The following TMEM53 variants were observed in gnomAD, a reference collection of about 807,000 sequenced individuals.
The protein encoded by TMEM53 is transmembrane protein 53.
Under a neutral mutation model 21.4 loss-of-function variants are expected in TMEM53, and 14 were observed. The ratio of observed to expected loss-of-function variants is 0.65; its 90% confidence interval spans 0.43 to 1.02. The LOEUF (loss-of-function observed/expected upper bound fraction) is 1.02. Among genes scored for constraint, TMEM53 ranks in the 50% least tolerant of loss-of-function variants. The pLI, the probability that TMEM53 is intolerant of heterozygous loss-of-function variation, is 0.00. For missense variants in TMEM53, 323 were observed against 383.6 expected, an observed-to-expected ratio of 0.84 and a Z score of 1.32; for synonymous variants, 148 against 157.4, an observed-to-expected ratio of 0.94 and a Z score of 0.45.
At chr1:44,656,684 G>A (rs1329857947) in intron 2 of TMEM53, among the ~76,000 whole-genome samples, 1 of 151,876 alleles carries the variant, frequency 6.6e-6, no homozygotes, top group East Asian at 1.9e-4. Context: ...CTGTTCTATA[G>A]CCTGGACGAC....
rs116364606 is a variant in TMEM53, at chr1:44,654,400, G to A, written c.*159C>T. The stretch of plus-strand genomic sequence containing the variant: ...GTAAGCAGACCACCAGCAGACAGAG[G>A]CCCCCAGGAGACAGGCCCATAGGAA... On this transcript the variant is annotated 3_prime_UTR_variant, in exon 3 of 3. Transcript: ENST00000372237. The surrounding 1 kb of genome is among the most constrained non-coding windows in gnomAD (Gnocchi z 7.0). 19,563 of 795,464 alleles carry A rather than the reference G, an allele frequency of 0.025. 359 individuals carry two copies. The highest frequency in any genetic ancestry group is 0.028 in the Non-Finnish European group (14,084 of 503,776). The allele number at this position is 795,464 out of a possible 1,614,324, so 49.3% of individuals were successfully genotyped here.
chr1:44,669,252 T>C (rs967921042), intron 1 of TMEM53, among the ~76,000 whole-genome samples: 6 of 152,254 alleles, frequency 3.9e-5, no homozygotes, highest in Admixed American at 3.9e-4. Flanking sequence ...TGTCAGTTTA[T>C]ATATTTCTAC....
chr1:44,668,200 T>G (rs1207678609), intron 1 of TMEM53, among the ~76,000 whole-genome samples: 2 of 152,130 alleles, frequency 1.3e-5, no homozygotes, highest in African/African-American at 4.8e-5. Context: ...CCCAGCACTT[T>G]GGGAGGCCGA....
intron 1 of TMEM53, among the ~76,000 whole-genome samples, chr1:44,664,491 G>A (rs1360323310): frequency 6.6e-6 from 1 of 151,390 alleles, no homozygotes; most frequent in Non-Finnish European, 1.5e-5. Flanking sequence ...TTATGAGCAA[G>A]AATTCTCATT....
intron 2 of TMEM53, among the ~76,000 whole-genome samples, chr1:44,659,324 T>G (rs1463986989): frequency 6.6e-6 from 1 of 152,078 alleles, no homozygotes; most frequent in Non-Finnish European, 1.5e-5. Context: ...GAGCTGTCTG[T>G]ATGGGTACCC....
At chr1:44,663,218 C>A (rs1013112048) in intron 1 of TMEM53, among the ~76,000 whole-genome samples, 2 of 152,120 alleles carry the variant, frequency 1.3e-5, no homozygotes, top group Non-Finnish European at 2.9e-5. Context: ...CATGGCCCGG[C>A]TCATTTAAAA....
chr1:44,663,085 C>T (rs1455710840), intron 1 of TMEM53, among the ~76,000 whole-genome samples: 2 of 152,216 alleles, frequency 1.3e-5, no homozygotes, highest in Non-Finnish European at 2.9e-5. Flanking sequence ...TAGGGTCTCG[C>T]TCTGTTGCCC....
At position 44,654,336 on chromosome 1, in the gene TMEM53, G is replaced by A; in HGVS notation, c.*223C>T. The A allele has an allele frequency of 1.8e-6, 1 of 560,920 alleles. No individual in the cohort carries two copies. The highest frequency in any genetic ancestry group is 3.2e-6 in the Non-Finnish European group (1 of 317,344). The allele number at this position is 560,920 out of a possible 1,614,324, so 34.7% of individuals were successfully genotyped here. ...CACAACTGACTGCAAGGCTCCCACA[G>A]ACACATGCCCAGGCACTCCTGCCCC... On this transcript the variant is annotated 3_prime_UTR_variant, in exon 3 of 3. Coordinates refer to ENST00000372237, the MANE Select transcript of TMEM53 (RefSeq NM_024587.4). This position sits in a 1 kb window ranked among gnomAD's most constrained non-coding sequence, Gnocchi z 7.0.
At chr1:44,667,822 C>T (rs1013536683) in intron 1 of TMEM53, among the ~76,000 whole-genome samples, 3 of 152,044 alleles carry the variant, frequency 2.0e-5, no homozygotes, top group Admixed American at 6.6e-5. Flanking sequence ...GCCAGGGATG[C>T]CCAGAAGCCC....
chr1:44,664,524 C>T (rs1039601264), intron 1 of TMEM53, among the ~76,000 whole-genome samples: 1 of 151,858 alleles, frequency 6.6e-6, no homozygotes, highest in African/African-American at 2.4e-5. Flanking sequence ...ACCTGAGGCA[C>T]ATACGAAACG....
At position 44,662,714 on chromosome 1, in the gene TMEM53, G is replaced by A. The variant is rs576589912; in HGVS notation, c.62-2419C>T. ...AGGGTTGCCCCCATGTGCCACCACC[G>A]AGACACCAGCAAAGGGCTTTGGGAT... On this transcript the variant is annotated intron_variant, in intron 1 of 2. Transcript: ENST00000372237. 1.4e-4 allele frequency among the ~76,000 whole-genome samples: 21 copies of A among 152,050 alleles called. 1 individual carries two copies. The South Asian group carries it at 4.2e-3, about 30-fold the overall frequency.
chr1:44,659,298 T>A (rs1644877632), intron 2 of TMEM53, among the ~76,000 whole-genome samples: 1 of 152,128 alleles, frequency 6.6e-6, no homozygotes, highest in African/African-American at 2.4e-5. Context: ...AGTCCAAGGC[T>A]TCCAGCTGGC....
In TMEM53 at chr1:44,655,259, G is replaced by A; in HGVS notation, c.184-50C>T. 6.5e-7 allele frequency: 1 copy of A among 1,532,416 alleles called. No individual in the cohort carries two copies. The highest frequency in any genetic ancestry group is 8.8e-7 in the Non-Finnish European group (1 of 1,139,478). 94.9% of individuals were successfully genotyped at this position (1,532,416 alleles called of 1,614,324 possible). A position where few individuals can be genotyped will look rare whatever the true frequency, so the allele number is the denominator to read the frequency against. ...CTCACAGATGAGGTGGGGGTAGTGGGTACAAGCTAAGGTCAGAGGGGCCCA... is the reference window on the plus strand; with the variant it reads ...CTCACAGATGAGGTGGGGGTAGTGGATACAAGCTAAGGTCAGAGGGGCCCA... On this transcript the variant is annotated intron_variant, in intron 2 of 2. Transcript: ENST00000372237. This position sits in a 1 kb window ranked among gnomAD's most constrained non-coding sequence, Gnocchi z 4.4.
chr1:44,669,260 T>C (rs2148537559), intron 1 of TMEM53, among the ~76,000 whole-genome samples: 1 of 152,378 alleles, frequency 6.6e-6, no homozygotes, highest in South Asian at 2.1e-4. Flanking sequence ...TATATATTTC[T>C]ACACCATTAT....
chr1:44,671,923 C>T (rs1323507030), intron 1 of TMEM53, among the ~76,000 whole-genome samples: 6 of 151,926 alleles, frequency 3.9e-5, no homozygotes, highest in South Asian at 4.2e-4. Context: ...AGTTAGACTC[C>T]ACCTCAAAAA....
At chr1:44,661,055 T>G (rs1201201511) in intron 1 of TMEM53, among the ~76,000 whole-genome samples, 1 of 152,190 alleles carries the variant, frequency 6.6e-6, no homozygotes, top group Non-Finnish European at 1.5e-5. Flanking sequence ...ACAAATAAAC[T>G]TTTATTGGAA....
intron 1 of TMEM53, among the ~76,000 whole-genome samples, chr1:44,667,312 G>T (rs1334046450): frequency 3.5e-4 from 44 of 127,438 alleles, no homozygotes; most frequent in South Asian, 1.4e-3. Flanking sequence ...CACTTTTTTT[G>T]TTGTTTTTTT....
At chr1:44,660,616 C>T (rs780152017) in intron 1 of TMEM53, among the ~76,000 whole-genome samples, 16 of 152,136 alleles carry the variant, frequency 1.1e-4, no homozygotes, top group African/African-American at 1.9e-4. Flanking sequence ...ACTACAACCC[C>T]GGGGCCAAAC....
chr1:44,673,874 C>CT, intron 1 of TMEM53: 1 of 985,418 alleles, frequency 1.0e-6, no homozygotes, highest in Non-Finnish European at 1.2e-6. Context: ...AGAGGGACGG[C>CT]TAAGGGTTCT....
Sources: allele counts gnomAD v4.1 joint callset (sites outside exome capture counted in the v4.1 genomes callset), GRCh38; gene constraint gnomAD v4.1.1; non-coding constraint Gnocchi (gnomAD v3.1); transcripts MANE v1.5; gene names NCBI Gene and HGNC (gene_info 2026-07-23, HGNC 2026-07-21).